Variants in PDCL2 observed in about 807,000 individuals in gnomAD.
PDCL2 encodes phosducin like 2.
A neutral mutation model predicts 30.3 loss-of-function variants in PDCL2; 23 were observed. The ratio of observed to expected loss-of-function variants is 0.76; its 90% confidence interval spans 0.55 to 1.08. PDCL2 has a LOEUF of 1.08. Among genes scored for constraint, PDCL2 ranks in the 50% least tolerant of loss-of-function variants. The pLI is 0.00. For missense variants in PDCL2, 243 were observed against 282.3 expected (o/e 0.86, Z 1.00); for synonymous variants, 68 against 86.2 (o/e 0.79, Z 1.17).
intron 1 of PDCL2, among the ~76,000 whole-genome samples, chr4:55,585,559 C>A (rs556805967): frequency 9.9e-4 from 151 of 151,996 alleles, no homozygotes; most frequent in African/African-American, 3.0e-3. Context: ...CACACACACA[C>A]ACAAAGATTT....
chr4:55,564,516 T>C (rs979778339), intron 4 of PDCL2, among the ~76,000 whole-genome samples: 1 of 152,146 alleles, frequency 6.6e-6, no homozygotes, highest in Non-Finnish European at 1.5e-5. Flanking sequence ...CACTTGGGTA[T>C]AAGAATAATA....
chr4:55,574,628 C>A (rs1448371806), intron 3 of PDCL2, among the ~76,000 whole-genome samples: 2 of 152,192 alleles, frequency 1.3e-5, no homozygotes, highest in African/African-American at 2.4e-5. Flanking sequence ...AAAACATTTT[C>A]ATCACTCCAC....
chr4:55,572,263 T>A (rs1368701309), intron 3 of PDCL2, among the ~76,000 whole-genome samples: 1 of 65,384 alleles, frequency 1.5e-5, no homozygotes, highest in African/African-American at 8.0e-5. Flanking sequence ...AGAAAAGAAC[T>A]TAATATGGGG....
chr4:55,582,049 T>C (rs1732729622), intron 2 of PDCL2, 68 bp downstream of exon 2: 2 of 1,577,182 alleles, frequency 1.3e-6, no homozygotes, highest in Middle Eastern at 2.3e-4. Context: ...ACTATGTTCA[T>C]GAAATACCTT....
intron 3 of PDCL2, among the ~76,000 whole-genome samples, chr4:55,572,976 T>G (rs1732467068): frequency 6.6e-6 from 1 of 152,144 alleles, no homozygotes. Context: ...GCCAGGATGG[T>G]CTCGATCTCC....
intron 4 of PDCL2, among the ~76,000 whole-genome samples, chr4:55,564,864 T>C (rs773885653): frequency 6.6e-6 from 1 of 152,198 alleles, no homozygotes; most frequent in Non-Finnish European, 1.5e-5. Flanking sequence ...GAGAGAATTA[T>C]GACAGTGAAA....
intron 3 of PDCL2, among the ~76,000 whole-genome samples, chr4:55,574,915 G>C (rs1232820971): frequency 6.6e-6 from 1 of 152,064 alleles, no homozygotes; most frequent in Non-Finnish European, 1.5e-5. Flanking sequence ...ATTTTCTTGG[G>C]TATATACCTA....
chr4:55,562,313 C>T, intron 5 of PDCL2, 91 bp downstream of exon 5: 1 of 821,376 alleles, frequency 1.2e-6, no homozygotes, highest in East Asian at 3.1e-5. Context: ...AAGGAAAAAA[C>T]CTTGGTACTA....
chr4:55,562,892 A>T (rs747976890), intron 4 of PDCL2, among the ~76,000 whole-genome samples: 2 of 143,402 alleles, frequency 1.4e-5, no homozygotes, highest in Non-Finnish European at 3.0e-5. Flanking sequence ...AGTTTGGTTC[A>T]AGCAGGTACC....
chr4:55,582,068 C>T (rs10866425), intron 2 of PDCL2, 49 bp downstream of exon 2: 590,516 of 1,596,498 alleles, frequency 0.37, 113,469 homozygotes, highest in East Asian at 0.6. Flanking sequence ...TTAGTACTAA[C>T]TTAACTGTAT....
chr4:55,563,953 G>A (rs1443474690), intron 4 of PDCL2, among the ~76,000 whole-genome samples: 1 of 152,196 alleles, frequency 6.6e-6, no homozygotes, highest in Admixed American at 6.5e-5. Flanking sequence ...ATCAGACAAG[G>A]GAAGGCCCTC....
chr4:55,579,699 T>C (rs926982183), intron 3 of PDCL2, among the ~76,000 whole-genome samples: 1 of 151,808 alleles, frequency 6.6e-6, no homozygotes, highest in African/African-American at 2.4e-5. Context: ...CTTTTGGTTT[T>C]TATTTTTGTT....
chr4:55,567,752 T>A (rs1560500326), intron 4 of PDCL2, among the ~76,000 whole-genome samples: 1 of 152,190 alleles, frequency 6.6e-6, no homozygotes, highest in African/African-American at 2.4e-5. Flanking sequence ...ATCAGTCCAC[T>A]CCCTGTCCTC....
intron 1 of PDCL2, among the ~76,000 whole-genome samples, chr4:55,586,105 T>G (rs1305175874): frequency 1.3e-5 from 2 of 152,214 alleles, no homozygotes; most frequent in Admixed American, 1.3e-4. Flanking sequence ...TTTATTGCTA[T>G]GCATTTCCCT....
At chr4:55,582,056 C>T in intron 2 of PDCL2, 61 bp downstream of exon 2, 2 of 1,586,384 alleles carry the variant, frequency 1.3e-6, no homozygotes, top group Non-Finnish European at 8.6e-7. Flanking sequence ...TCATGAAATA[C>T]CTTAGTACTA....
intron 1 of PDCL2, among the ~76,000 whole-genome samples, chr4:55,589,318 G>A (rs940266449): frequency 6.6e-6 from 1 of 152,038 alleles, no homozygotes; most frequent in African/African-American, 2.4e-5. Flanking sequence ...TTATTGATGG[G>A]AATTCCTTAA....
rs575898441 is a variant in PDCL2, at chr4:55,583,700, TC to T, written c.7-1464del. On this transcript the variant is annotated intron_variant, in intron 1 of 5. Transcript: ENST00000295645. Reference sequence around the variant, plus strand: ...TCCTTTTCCCCATTGTGTGTTCTTGTCCCCTTTGTCAAAAATCAATTGACTG... The same window carrying T: ...TCCTTTTCCCCATTGTGTGTTCTTGTCCCTTTGTCAAAAATCAATTGACTG... 2.2e-3 allele frequency among the ~76,000 whole-genome samples: 338 copies of T among 152,324 alleles called. 2 individuals are homozygous for T. The highest frequency in any genetic ancestry group is 7.5e-3 in the African/African-American group (312 of 41,572).
At chr4:55,573,212 A>G (rs1732472582) in intron 3 of PDCL2, among the ~76,000 whole-genome samples, 1 of 152,172 alleles carries the variant, frequency 6.6e-6, no homozygotes, top group African/African-American at 2.4e-5. Flanking sequence ...AGAAAGGGGA[A>G]TATATGTCAA....
intron 4 of PDCL2, among the ~76,000 whole-genome samples, chr4:55,566,593 T>G (rs890854701): frequency 4.6e-5 from 7 of 151,798 alleles, no homozygotes; most frequent in Admixed American, 6.6e-5. Flanking sequence ...TGGCTAATTT[T>G]TTTTTTGTAT....
Sources: gnomAD v4.1 joint callset for allele counts (sites outside exome capture counted in the v4.1 genomes callset) on GRCh38, gnomAD v4.1.1 for gene constraint, MANE v1.5 for transcripts, NCBI Gene and HGNC (gene_info 2026-07-23, HGNC 2026-07-21) for gene names.